Variants in DOCK3 observed in about 807,000 individuals in gnomAD.
DOCK3 encodes the protein dedicator of cytokinesis 3, also known as dedicator of cytokinesis protein 3.
A neutral mutation model predicts 265.6 loss-of-function variants in DOCK3; 60 were observed. The observed-to-expected ratio is 0.23, with a 90% confidence interval of 0.18 to 0.28. The LOEUF (loss-of-function observed/expected upper bound fraction) is 0.28, where lower values mean the gene tolerates loss of function less well. Ranked by LOEUF, DOCK3 falls within the 10% of genes least tolerant of loss-of-function variation. The pLI is 1.00. For synonymous variants in DOCK3, 881 were observed against 938.0 expected, an observed-to-expected ratio of 0.94 and a Z score of 1.11; for missense variants, 1,981 against 2,594.3, an observed-to-expected ratio of 0.76 and a Z score of 5.14.
intron 4 of DOCK3, among the ~76,000 whole-genome samples, chr3:50,920,715 A>AT (rs550852739): frequency 8.8e-4 from 134 of 152,060 alleles, no homozygotes; most frequent in African/African-American, 3.1e-3. Context: ...GTATTTATTG[A>AT]TTTTTTGAAG....
At chr3:50,836,607 C>G (rs745500890) in intron 2 of DOCK3, among the ~76,000 whole-genome samples, 7 of 152,142 alleles carry the variant, frequency 4.6e-5, no homozygotes, top group Non-Finnish European at 8.8e-5. Context: ...CCCTCCTAGG[C>G]GTCTGGGCCT....
chr3:51,335,258 C>CA (rs1043298728), intron 35 of DOCK3, among the ~76,000 whole-genome samples: 36 of 149,672 alleles, frequency 2.4e-4, no homozygotes, highest in Admixed American at 1.1e-3. Flanking sequence ...AAGAAAAAGC[C>CA]AAAAAAAAAG....
Position 50,965,312 on chromosome 3 carries a change from T to C in DOCK3, c.315+31235T>C, listed in dbSNP as rs564943070. Among the ~76,000 whole-genome samples the C allele has an allele frequency of 5.3e-5, 8 of 152,218 alleles. No individual in the cohort carries two copies. The South Asian group carries it at 1.7e-3, about 32-fold the overall frequency. ...GCAGCTAAAGCAGTAGAGAAGAATT[T>C]ATAGTTTAAATGTCTATATTAGAAA... On this transcript the variant is annotated intron_variant, in intron 5 of 52. Transcript: ENST00000266037.
intron 51 of DOCK3, 72 bp from the exon 52 acceptor site, chr3:51,380,053 C>T (rs2088495218): frequency 6.8e-7 from 1 of 1,467,240 alleles, no homozygotes; most frequent in South Asian, 1.3e-5. Flanking sequence ...CCCAGTTGGC[C>T]CAGCAAGATG....
intron 9 of DOCK3, among the ~76,000 whole-genome samples, chr3:51,092,075 G>T (rs1049236333): frequency 6.6e-6 from 1 of 152,188 alleles, no homozygotes; most frequent in East Asian, 1.9e-4. Context: ...ACAAAACTGG[G>T]TAGCTGTTTG....
intron 9 of DOCK3, among the ~76,000 whole-genome samples, chr3:51,125,656 T>A (rs2084232961): frequency 6.6e-6 from 1 of 152,174 alleles, no homozygotes; most frequent in Non-Finnish European, 1.5e-5. Flanking sequence ...TTAGAGGACT[T>A]CCATAATCAC....
intron 4 of DOCK3, among the ~76,000 whole-genome samples, chr3:50,907,743 C>T (rs746333287): frequency 1.1e-4 from 16 of 151,986 alleles, no homozygotes; most frequent in Non-Finnish European, 1.2e-4. Context: ...AGCATTTAGC[C>T]CATTTACATT....
At chr3:50,824,019 C>T (rs2106966781) in intron 2 of DOCK3, among the ~76,000 whole-genome samples, 1 of 152,246 alleles carries the variant, frequency 6.6e-6, no homozygotes, top group Middle Eastern at 3.4e-3. Flanking sequence ...AATGTGTGTT[C>T]AGACTCTGTT....
intron 1 of DOCK3, among the ~76,000 whole-genome samples, chr3:50,679,914 C>T (rs907286537): frequency 1.3e-5 from 2 of 152,204 alleles, no homozygotes; most frequent in African/African-American, 4.8e-5. Flanking sequence ...TTGAGCTTTA[C>T]ACTATATCAC....
At chr3:50,879,618 A>G (rs2047920464) in intron 3 of DOCK3, among the ~76,000 whole-genome samples, 1 of 152,248 alleles carries the variant, frequency 6.6e-6, no homozygotes, top group Non-Finnish European at 1.5e-5. Context: ...AGGAGCACCC[A>G]GATTCATAAA....
At chr3:51,158,539 T>A (rs1016978810) in intron 10 of DOCK3, among the ~76,000 whole-genome samples, 1 of 152,086 alleles carries the variant, frequency 6.6e-6, no homozygotes, top group Admixed American at 6.6e-5. Flanking sequence ...CAAGATCTTG[T>A]TTTTTAAAGA....
intron 1 of DOCK3, among the ~76,000 whole-genome samples, chr3:50,756,143 C>T (rs1189869264): frequency 1.3e-5 from 2 of 152,160 alleles, no homozygotes; most frequent in Non-Finnish European, 2.9e-5. Context: ...TGTGCAGTGG[C>T]CTGCCAGCAC....
At chr3:50,952,089 C>G (rs1248301477) in intron 5 of DOCK3, among the ~76,000 whole-genome samples, 3 of 152,142 alleles carry the variant, frequency 2.0e-5, no homozygotes, top group Non-Finnish European at 4.4e-5. Flanking sequence ...TGCATGTCCT[C>G]TTATATTTGT....
chr3:50,949,019 G>A (rs2076520821), intron 5 of DOCK3, among the ~76,000 whole-genome samples: 1 of 152,142 alleles, frequency 6.6e-6, no homozygotes, highest in Non-Finnish European at 1.5e-5. Flanking sequence ...TAACAAATGA[G>A]GGTAAATGAA....
intron 1 of DOCK3, among the ~76,000 whole-genome samples, chr3:50,723,529 C>T (rs570988822): frequency 6.6e-6 from 1 of 152,102 alleles, no homozygotes; most frequent in African/African-American, 2.4e-5. Flanking sequence ...ACAGAGGCCT[C>T]AGAAATAACA....
intron 26 of DOCK3, chr3:51,278,261 A>G (rs568884377): frequency 2.0e-6 from 2 of 985,394 alleles, no homozygotes; most frequent in South Asian, 9.4e-5. Context: ...GGCATTAGTG[A>G]ATAACGATTT....
intron 7 of DOCK3, among the ~76,000 whole-genome samples, chr3:51,088,591 C>G (rs1219260569): frequency 2.6e-5 from 4 of 152,126 alleles, no homozygotes; most frequent in Non-Finnish European, 5.9e-5. Flanking sequence ...ACCTAGGATT[C>G]TCACTTCTGC....
At chr3:51,048,025 A>T (rs1314297865) in intron 5 of DOCK3, among the ~76,000 whole-genome samples, 1 of 152,166 alleles carries the variant, frequency 6.6e-6, no homozygotes, top group Non-Finnish European at 1.5e-5. Context: ...CACCAAAAGG[A>T]TCATACATCA....
chr3:50,748,370 A>C (rs2039585452), intron 1 of DOCK3, among the ~76,000 whole-genome samples: 1 of 152,154 alleles, frequency 6.6e-6, no homozygotes, highest in African/African-American at 2.4e-5. Flanking sequence ...TAAACTAGTG[A>C]GTTCCCACAG....
Sources: allele counts gnomAD v4.1 joint callset (sites outside exome capture counted in the v4.1 genomes callset), GRCh38; gene constraint gnomAD v4.1.1; transcripts MANE v1.5; gene names NCBI Gene and HGNC (gene_info 2026-07-23, HGNC 2026-07-21).